The following NOP14 variants were observed in gnomAD, a reference collection of about 807,000 sequenced individuals.
The protein encoded by NOP14 is nucleolar protein 14.
A neutral mutation model predicts 101.6 loss-of-function variants in NOP14; 57 were observed. The ratio of observed to expected loss-of-function variants is 0.56; its 90% CI spans 0.45 to 0.70. NOP14 has a LOEUF of 0.70. NOP14 is among the 30% of genes least tolerant of loss of function. The probability of loss-of-function intolerance (pLI) is 0.00; values close to 1 mark genes in which losing one functional copy is unlikely to be tolerated. For missense variants in NOP14, 1,134 were observed against 1,075.5 expected (o/e 1.05, Z -0.76); for synonymous variants, 428 against 424.0 (o/e 1.01, Z -0.12).
At position 2,938,792 on chromosome 4, in the gene NOP14, G is replaced by A. The variant is rs776329645; in HGVS notation, c.*39C>T. On this transcript the variant is annotated 3_prime_UTR_variant, in exon 18 of 18. Transcript: ENST00000416614. ...CAGAGGGTTGGAATTGCAGATGTGA[G>A]GTAATGTCCAGTTCCTTGCCTTATT... 5 of 1,522,890 alleles carry A rather than the reference G, an allele frequency of 3.3e-6. No homozygotes were observed. Among genetic ancestry groups the A allele is most frequent in the Non-Finnish European group, 9.1e-7 (1 of 1,100,370 alleles). 94.3% of individuals were successfully genotyped at this position (1,522,890 alleles called of 1,614,324 possible). A position where few individuals can be genotyped will look rare whatever the true frequency, so the allele number is the denominator to read the frequency against.
At chr4:2,939,815 G>A (rs999852416) in intron 15 of NOP14, among the ~76,000 whole-genome samples, 170 bp from the exon 16 acceptor site, 7 of 152,132 alleles carry the variant, frequency 4.6e-5, no homozygotes, top group Non-Finnish European at 7.4e-5. Context: ...GTAAGCCAAG[G>A]CTGTGGCTGC....
At chr4:2,946,349 C>T in intron 11 of NOP14, 63 bp downstream of exon 11, 5 of 1,597,094 alleles carry the variant, frequency 3.1e-6, no homozygotes, top group Non-Finnish European at 4.3e-6. Context: ...CCGTCGTCCA[C>T]CTTCTGTGAT....
intron 1 of NOP14, chr4:2,961,244 TA>T: frequency 6.8e-6 from 1 of 146,674 alleles, no homozygotes; most frequent in African/African-American, 2.5e-5. Flanking sequence ...TATTAATATA[TA>T]GTAACTATAT....
intron 15 of NOP14, chr4:2,940,487 T>C (rs1054793276): frequency 6.6e-6 from 1 of 151,072 alleles, no homozygotes; most frequent in Middle Eastern, 3.2e-3. Context: ...TTCTTTTAAA[T>C]AAAAGGCACA....
intron 13 of NOP14, among the ~76,000 whole-genome samples, chr4:2,942,890 G>C (rs776443497): frequency 6.6e-6 from 1 of 152,200 alleles, no homozygotes; most frequent in African/African-American, 2.4e-5. Flanking sequence ...TCCAGGCCGA[G>C]GGTGTGGCTA....
intron 15 of NOP14, 38 bp from the exon 16 acceptor site, chr4:2,939,683 C>G (rs775247489): frequency 6.7e-7 from 1 of 1,489,020 alleles, no homozygotes; most frequent in Non-Finnish European, 9.4e-7. Context: ...CGATGACTCA[C>G]CTGCTGCGTG....
rs781668668 is a variant in NOP14 at position 2,956,793 on chromosome 4, T to C, written c.349A>G (p.Ser117Gly). The change falls in exon 3 of 18, where the codon AGC (serine) becomes GGC (glycine). Residue 117 changes from serine (S) to glycine (G), a missense_variant. Ser to Gly is a moderately conservative substitution (Grantham distance 56). Transcript: ENST00000416614. The part of the protein sequence containing the change: ...LEQQRHHEKK[S>G]IYNLNEDEEL... ...TCATCTTCATTTAGATTGTAGATGCTTTTTTTCTCATGATGTCGCTGACAG... is the reference window on the plus strand; with the variant it reads ...TCATCTTCATTTAGATTGTAGATGCCTTTTTTCTCATGATGTCGCTGACAG... The C allele has an allele frequency of 4.4e-6, 7 of 1,603,098 alleles. No homozygotes were observed. In the South Asian group the frequency reaches 5.7e-5, roughly 13 times the overall value.
In NOP14 at chr4:2,942,227, C is replaced by T; in HGVS notation, c.2016G>A (p.Leu672=). Residue 672 remains leucine, a synonymous_variant, in exon 14 of 18, where the codon CTG becomes CTA. Coordinates refer to ENST00000416614, the MANE Select transcript of NOP14 (RefSeq NM_001291978.2). The part of the protein sequence containing the change: ...SSLSLRWASR[L]RAPTSTEANH... ...TGGCCTCTGTCGAAGTTGGGGCCCT[C>T]AGTCTACTCGCCCAGCGGAGGGAGA... 6 of 1,614,184 alleles carry T rather than the reference C, an allele frequency of 3.7e-6. No individual in the cohort carries two copies. Among genetic ancestry groups the T allele is most frequent in the Non-Finnish European group, 5.1e-6 (6 of 1,180,020 alleles).
rs1167192718 is a variant in NOP14 at position 2,948,421 on chromosome 4, C to G, written c.1283-13G>C. The G allele has an allele frequency of 1.3e-6, 2 of 1,596,732 alleles. No individual in the cohort carries two copies. The highest frequency in any genetic ancestry group is 2.3e-5 in the East Asian group (1 of 44,248). ...TAGGATTCAGGGGCTATCAAAAACA[C>G]AAAACATACTGCACATTTAACATTT... On this transcript the variant is annotated splice_polypyrimidine_tract_variant and intron_variant, in intron 8 of 17. Transcript: ENST00000416614.
chr4:2,958,529 G>C (rs1715502344), intron 1 of NOP14, among the ~76,000 whole-genome samples: 1 of 152,188 alleles, frequency 6.6e-6, no homozygotes, highest in Non-Finnish European at 1.5e-5. Context: ...ATGGCATCAA[G>C]GCAAAATCTT....
intron 11 of NOP14, among the ~76,000 whole-genome samples, chr4:2,946,011 T>G (rs1365731598): frequency 3.8e-5 from 1 of 26,604 alleles, no homozygotes; most frequent in South Asian, 2.0e-3. Context: ...TGCCGTGCAC[T>G]CTCACTCCAG....
intron 12 of NOP14, 66 bp from the exon 13 acceptor site, chr4:2,944,292 G>A (rs1714445578): frequency 1.1e-5 from 17 of 1,502,874 alleles, no homozygotes; most frequent in African/African-American, 1.4e-5. Context: ...GCCGACCACC[G>A]GGCTTCCCTG....
At position 2,949,982 on chromosome 4, in the gene NOP14, C is replaced by T. The variant is rs2109304688; in HGVS notation, c.1234G>A (p.Glu412Lys). The change falls in exon 8 of 18, where the codon GAA becomes AAA. Residue 412 changes from glutamate to lysine, a missense_variant. Transcript: ENST00000416614. ...TCTCTGGTAGCTTTTCCAGCTCTTTCCTTGCCGCTTATCAACCCTTTCCCA... is the reference window on the plus strand; with the variant it reads ...TCTCTGGTAGCTTTTCCAGCTCTTTTCTTGCCGCTTATCAACCCTTTCCCA... ...TPGKGLISGK[E>K]RAGKATRDEL... 1 of 1,614,118 alleles carries T rather than the reference C, an allele frequency of 6.2e-7. No individual in the cohort carries two copies. The highest frequency in any genetic ancestry group is 1.1e-5 in the South Asian group (1 of 91,076).
chr4:2,957,787 C>T lies in NOP14; in HGVS notation c.196-47G>A, dbSNP rs1368332219. 5 of 1,601,458 alleles carry T rather than the reference C, an allele frequency of 3.1e-6. No homozygotes were observed. The East Asian group carries it at 1.1e-4, about 36-fold the overall frequency. ...ATCTCACAAAAAATTCTTGTGATTTCCACTACAGGGGACATCAGAACAGTG... is the reference window on the plus strand; with the variant it reads ...ATCTCACAAAAAATTCTTGTGATTTTCACTACAGGGGACATCAGAACAGTG... On this transcript the variant is annotated intron_variant, in intron 1 of 17. Coordinates refer to ENST00000416614, the MANE Select transcript of NOP14 (RefSeq NM_001291978.2).
At chr4:2,944,324 G>A in intron 12 of NOP14, 98 bp from the exon 13 acceptor site, 2 of 1,075,622 alleles carry the variant, frequency 1.9e-6, no homozygotes, top group Non-Finnish European at 2.7e-6. Flanking sequence ...ACCCCACTGA[G>A]CTTCACAAGT....
In NOP14 at chr4:2,944,093, G is replaced by A. The variant is rs1274497313; in HGVS notation, c.1871C>T (p.Thr624Ile). 6.2e-7 allele frequency: 1 copy of A among 1,611,152 alleles called. No individual in the cohort carries two copies. The highest frequency in any genetic ancestry group is 8.5e-7 in the Non-Finnish European group (1 of 1,178,914). Reference sequence around the variant, plus strand: ...CTCACCTTGGCTTGCTTTGTTTGGAGTTGCTATGTAAAGAATCCCAAGAAG... The same window carrying A: ...CTCACCTTGGCTTGCTTTGTTTGGAATTGCTATGTAAAGAATCCCAAGAAG... Reference protein sequence around the residue: ...NFLLGILYIATPNKASQGSTL... With the variant: ...NFLLGILYIAIPNKASQGSTL... Residue 624 changes from threonine (T) to isoleucine (I), a missense_variant, in exon 13 of 18, where the codon ACT becomes ATT. Physicochemically the swap from Thr to Ile is moderately conservative, Grantham distance 89. Coordinates refer to ENST00000416614, the MANE Select transcript of NOP14 (RefSeq NM_001291978.2).
chr4:2,947,689 C>T (rs1045760669), intron 9 of NOP14, 78 bp from the exon 10 acceptor site: 28 of 1,180,950 alleles, frequency 2.4e-5, no homozygotes, highest in Non-Finnish European at 3.4e-5. Context: ...GCTTCTGGAT[C>T]ACGTACATTC....
chr4:2,938,609 A>C lies in NOP14; in HGVS notation c.*222T>G. On this transcript the variant is annotated 3_prime_UTR_variant, in exon 18 of 18. Transcript: ENST00000416614. ...CTGTAACCTTGGACTCAGCTCAAGC[A>C]GTCCTCCTGCTTCAGCCTCCCGAGT... The C allele has an allele frequency of 1.8e-6, 1 of 546,116 alleles. No homozygotes were observed. The highest frequency in any genetic ancestry group is 2.2e-5 in the South Asian group (1 of 46,306). The allele number at this position is 546,116 out of a possible 1,614,324, so 33.8% of individuals were successfully genotyped here.
At chr4:2,952,580 G>A (rs552954655) in intron 5 of NOP14, among the ~76,000 whole-genome samples, 183 bp from the exon 6 acceptor site, 109 of 152,270 alleles carry the variant, frequency 7.2e-4, no homozygotes, top group African/African-American at 2.0e-3. Context: ...TGAGGATTGC[G>A]AAATCAGTGG....
Sources: allele counts gnomAD v4.1 joint callset (sites outside exome capture counted in the v4.1 genomes callset), GRCh38; gene constraint gnomAD v4.1.1; transcripts MANE v1.5; gene names NCBI Gene and HGNC (gene_info 2026-07-23, HGNC 2026-07-21).